SREBF2: variants seen among roughly 807,000 people sequenced by gnomAD.
The protein encoded by SREBF2 is sterol regulatory element-binding protein 2.
In SREBF2, 55 loss-of-function variants were observed where a neutral mutation model predicts 113.1. The observed-to-expected ratio is 0.49, with a 90% CI of 0.39 to 0.61. The LOEUF is 0.61. SREBF2 is among the 20% of genes least tolerant of loss of function. The pLI is 0.00. For missense variants in SREBF2, 1,349 were observed against 1,487.4 expected (o/e 0.91, Z 1.53); for synonymous variants, 593 against 605.7 (o/e 0.98, Z 0.31).
In SREBF2 at chr22:41,879,504, G is replaced by C. The variant is rs147654717; in HGVS notation, c.1762-1212G>C. Among the ~76,000 whole-genome samples, 240 of 152,324 alleles carry C rather than the reference G, an allele frequency of 1.6e-3. 1 individual carries two copies. Among genetic ancestry groups the C allele is most frequent in the African/African-American group, 5.7e-3 (238 of 41,564 alleles). ...GGAGTCAGGAGGGGTAAGAGCCAAAGACTGGGACTTGGGAATAGCCCATCT... is the reference window on the plus strand; with the variant it reads ...GGAGTCAGGAGGGGTAAGAGCCAAACACTGGGACTTGGGAATAGCCCATCT... On this transcript the variant is annotated intron_variant, in intron 9 of 18. Coordinates refer to ENST00000361204, the MANE Select transcript of SREBF2 (RefSeq NM_004599.4).
At chr22:41,848,437 AAG>A (rs1569373195) in intron 1 of SREBF2, among the ~76,000 whole-genome samples, 2 of 152,188 alleles carry the variant, frequency 1.3e-5, no homozygotes, top group African/African-American at 4.8e-5. Context: ...TAAGTGGGAT[AAG>A]AGAGACAGCC....
rs1426710593 is a variant in SREBF2 at position 41,903,090 on chromosome 22, G to A, written c.3028G>A (p.Gly1010Ser). Residue 1010 changes from glycine to serine, a missense_variant, in exon 17 of 19, where the codon GGC (glycine) becomes AGC (serine). Around this residue, in one of 2 missense-constraint regions of SREBF2, gnomAD observed 650 missense variants for 644.1 expected, o/e 1.01. Coordinates refer to ENST00000361204, the MANE Select transcript of SREBF2 (RefSeq NM_004599.4). Reference sequence around the variant, plus strand: ...CCACGCGTCAGGCGCTGAACTGGCGGGCTTCCAACGGGACCTGGGCAGCCT... The same window carrying A: ...CCACGCGTCAGGCGCTGAACTGGCGAGCTTCCAACGGGACCTGGGCAGCCT... ...TYHASGAELA[G>S]FQRDLGSLRR... 1.0e-5 allele frequency: 16 copies of A among 1,579,416 alleles called. No homozygotes were observed. The highest frequency in any genetic ancestry group is 1.3e-5 in the Non-Finnish European group (15 of 1,162,642).
intron 3 of SREBF2, among the ~76,000 whole-genome samples, chr22:41,869,057 G>C (rs1399504376): frequency 6.6e-6 from 1 of 152,176 alleles, no homozygotes; most frequent in Non-Finnish European, 1.5e-5. Flanking sequence ...TGCTAAATTG[G>C]TATTTCCCAG....
rs150799743 is a variant in SREBF2, at chr22:41,873,722, G to A, written c.868-76G>A. The A allele has an allele frequency of 2.1e-4, 306 of 1,468,450 alleles. 1 individual carries two copies. In the African/African-American group the frequency reaches 3.7e-3, roughly 18 times the overall value. 91.0% of individuals were successfully genotyped at this position (1,468,450 alleles called of 1,614,324 possible). On this transcript the variant is annotated intron_variant, in intron 4 of 18. Coordinates refer to ENST00000361204, the MANE Select transcript of SREBF2 (RefSeq NM_004599.4). Reference sequence around the variant, plus strand: ...AGGTCTGGCAGCACTTGGCCAAAGCGGGCAGGTCTGTGTTGAGGTTGCTTT... The same window carrying A: ...AGGTCTGGCAGCACTTGGCCAAAGCAGGCAGGTCTGTGTTGAGGTTGCTTT...
At chr22:41,865,557 C>T (rs997856642) in intron 1 of SREBF2, among the ~76,000 whole-genome samples, 3 of 152,030 alleles carry the variant, frequency 2.0e-5, no homozygotes, top group Non-Finnish European at 4.4e-5. Flanking sequence ...GGGAAGAGGC[C>T]CTGGAAGTAG....
intron 1 of SREBF2, among the ~76,000 whole-genome samples, chr22:41,853,224 A>G (rs2076948349): frequency 6.6e-6 from 1 of 152,138 alleles, no homozygotes; most frequent in African/African-American, 2.4e-5. Flanking sequence ...TTTCACCACC[A>G]TGAGTTGTAG....
chr22:41,894,876 A>C lies in SREBF2; in HGVS notation c.2434A>C (p.Ile812Leu). 1 of 1,614,096 alleles carries C rather than the reference A, an allele frequency of 6.2e-7. No individual in the cohort carries two copies. Among genetic ancestry groups the C allele is most frequent in the Non-Finnish European group, 8.5e-7 (1 of 1,180,010 alleles). The change falls in exon 13 of 19, where the codon ATA becomes CTA. Residue 812 changes from isoleucine (I) to leucine (L), a missense_variant. Physicochemically the swap from Ile to Leu is conservative, Grantham distance 5. This residue lies in a region of SREBF2 where 650 missense variants were observed against 644.1 expected (regional missense o/e 1.01). Coordinates refer to ENST00000361204, the MANE Select transcript of SREBF2 (RefSeq NM_004599.4). ...AFCKNLLERA[I>L]ESLVKPQAKK... ...CTGCAAGAACCTGCTGGAGCGAGCT[A>C]TAGAGTCCTTGGTGAAACCTCAGGC...
At chr22:41,858,059 AATT>A (rs1168251130) in intron 1 of SREBF2, among the ~76,000 whole-genome samples, 1 of 152,172 alleles carries the variant, frequency 6.6e-6, no homozygotes, top group African/African-American at 2.4e-5. Flanking sequence ...TTTTTTAAAT[AATT>A]ATTAGAAAAA....
intron 14 of SREBF2, among the ~76,000 whole-genome samples, 155 bp from the exon 15 acceptor site, chr22:41,898,494 C>A (rs1449309784): frequency 6.6e-6 from 1 of 152,230 alleles, no homozygotes; most frequent in African/African-American, 2.4e-5. Flanking sequence ...TTCCCCTCCC[C>A]CAGAATCCTG....
chr22:41,870,237 CT>C (rs2077127117), intron 3 of SREBF2, among the ~76,000 whole-genome samples: 1 of 152,192 alleles, frequency 6.6e-6, no homozygotes, highest in Non-Finnish European at 1.5e-5. Context: ...TTTCCTGAGT[CT>C]TTTCTCTCCT....
chr22:41,902,876 T>C lies in SREBF2; in HGVS notation c.2908-94T>C, dbSNP rs1416254055. The C allele has an allele frequency of 3.0e-6, 4 of 1,324,572 alleles. No individual in the cohort carries two copies. The African/African-American group carries it at 4.4e-5, about 15-fold the overall frequency. The allele number at this position is 1,324,572 out of a possible 1,614,324, so 82.1% of individuals were successfully genotyped here. A position where few individuals can be genotyped will look rare whatever the true frequency, so the allele number is the denominator to read the frequency against. ...TCCACTTCCTCCCAGAGCTGCTGAG[T>C]GTTGGTCTGGGGAGAGGCCTGGTAG... is the stretch of plus-strand genomic sequence containing the variant. On this transcript the variant is annotated intron_variant, in intron 16 of 18. Transcript: ENST00000361204.
chr22:41,904,420 ACT>A lies in SREBF2; in HGVS notation c.3094-438_3094-437del, dbSNP rs566852723. The A allele has an allele frequency of 2.8e-3, 1,049 of 378,946 alleles. 6 individuals are homozygous for A. The highest frequency in any genetic ancestry group is 2.4e-3 in the Non-Finnish European group (458 of 189,654). The allele number at this position is 378,946 out of a possible 1,614,324, so 23.5% of individuals were successfully genotyped here. Reference sequence around the variant, plus strand: ...GCAGACTTTACCCGCACACCTCTAGACTCTCTTCCTTTCTAAAGATACGGAAA... The same window carrying A: ...GCAGACTTTACCCGCACACCTCTAGACTCTTCCTTTCTAAAGATACGGAAA... On this transcript the variant is annotated intron_variant, in intron 17 of 18. Coordinates refer to ENST00000361204, the MANE Select transcript of SREBF2 (RefSeq NM_004599.4).
intron 1 of SREBF2, among the ~76,000 whole-genome samples, chr22:41,854,598 G>C (rs2076961017): frequency 6.6e-6 from 1 of 151,924 alleles, no homozygotes; most frequent in South Asian, 2.1e-4. Flanking sequence ...TCCGGGGGTG[G>C]TGGCTCATTC....
chr22:41,866,756 C>A, intron 1 of SREBF2, 75 bp from the exon 2 acceptor site: 1 of 1,533,246 alleles, frequency 6.5e-7, no homozygotes, highest in Non-Finnish European at 9.0e-7. Flanking sequence ...AGTTTTCATG[C>A]CTTAGTTTCT....
chr22:41,857,896 AAG>A (rs1366348147), intron 1 of SREBF2, among the ~76,000 whole-genome samples: 1 of 152,182 alleles, frequency 6.6e-6, no homozygotes, highest in African/African-American at 2.4e-5. Context: ...ATGTGGTTGA[AAG>A]AGCCCAGTTC....
At chr22:41,881,414 A>G (rs146031505) in intron 10 of SREBF2, among the ~76,000 whole-genome samples, 1 of 152,360 alleles carries the variant, frequency 6.6e-6, no homozygotes, top group East Asian at 1.9e-4. Flanking sequence ...CAGCGTGAGT[A>G]TGTTAGACTT....
chr22:41,846,557 C>T (rs1408988019), intron 1 of SREBF2, among the ~76,000 whole-genome samples: 1 of 152,184 alleles, frequency 6.6e-6, no homozygotes, highest in Non-Finnish European at 1.5e-5. Context: ...CTGTGCCTTT[C>T]CTTGCCTCTG....
chr22:41,903,633 A>G (rs2077482835), intron 17 of SREBF2, among the ~76,000 whole-genome samples: 1 of 152,226 alleles, frequency 6.6e-6, no homozygotes, highest in South Asian at 2.1e-4. Flanking sequence ...AAGTTCTATG[A>G]CTGGGCTTGC....
rs747945779 is a variant in SREBF2, at chr22:41,900,420, C to T, written c.2829C>T (p.Cys943=). ...CAGATGGGCAGCAGAGTTCCTTCTGCCATTGCGAGAGGGCCAGTGGCCACC... is the reference window on the plus strand; with the variant it reads ...CAGATGGGCAGCAGAGTTCCTTCTGTCATTGCGAGAGGGCCAGTGGCCACC... ...GKADGQQSSF[C]HCERASGHLW... Residue 943 remains cysteine, a synonymous_variant, in exon 16 of 19, where the codon TGC becomes TGT. Transcript: ENST00000361204. The T allele has an allele frequency of 6.2e-7, 1 of 1,613,942 alleles. No homozygotes were observed. The highest frequency in any genetic ancestry group is 8.5e-7 in the Non-Finnish European group (1 of 1,180,038).
Sources: gnomAD v4.1 joint callset for allele counts (sites outside exome capture counted in the v4.1 genomes callset) on GRCh38, gnomAD v4.1.1 for gene constraint, gnomAD v4.1.1 regional missense constraint, MANE v1.5 for transcripts, NCBI Gene and HGNC (gene_info 2026-07-23, HGNC 2026-07-21) for gene names.